Variants in NLRP5 observed in about 807,000 individuals in gnomAD.
NLRP5 encodes NLR family pyrin domain containing 5, also known as NACHT, LRR and PYD domains-containing protein 5.
A neutral mutation model predicts 113.1 loss-of-function variants in NLRP5; 93 were observed. The observed-to-expected ratio is 0.82, with a 90% CI of 0.70 to 0.98. The LOEUF is 0.98. Ranked by LOEUF, NLRP5 falls within the 50% of genes least tolerant of loss-of-function variation. The probability of loss-of-function intolerance (pLI) is 0.00; values close to 1 mark genes in which losing one functional copy is unlikely to be tolerated. For synonymous variants in NLRP5, 751 were observed against 600.7 expected (o/e 1.25, Z -3.66); for missense variants, 1,808 against 1,514.3 (o/e 1.19, Z -3.22).
rs892137743 is a variant in NLRP5 at position 56,019,377 on chromosome 19, G to C, written c.601G>C (p.Ala201Pro). The C allele has an allele frequency of 6.2e-7, 1 of 1,613,978 alleles. No homozygotes were observed. Among genetic ancestry groups the C allele is most frequent in the Admixed American group, 1.7e-5 (1 of 59,994 alleles). The change falls in exon 5 of 15, where the codon GCA becomes CCA. Residue 201 changes from alanine (A) to proline (P), a missense_variant. Transcript: ENST00000390649. ...AGCTATGGAACAAGAAGGTGCCACA[G>C]CAGCAGAGACAGAAGAACAAGGTGA...
intron 13 of NLRP5, among the ~76,000 whole-genome samples, chr19:56,054,146 A>C (rs1343142589): frequency 6.6e-6 from 1 of 152,174 alleles, no homozygotes; most frequent in Non-Finnish European, 1.5e-5. Context: ...CTAGAGACAA[A>C]GACGGGCAGA....
chr19:56,000,407 C>T (rs542896755), intron 1 of NLRP5, among the ~76,000 whole-genome samples: 64 of 152,148 alleles, frequency 4.2e-4, no homozygotes, highest in African/African-American at 1.5e-3. Context: ...TTCTGTCACC[C>T]AGGCTGGAGT....
intron 10 of NLRP5, 49 bp downstream of exon 10, chr19:56,038,244 T>C (rs1360910090): frequency 6.5e-7 from 1 of 1,543,272 alleles, no homozygotes; most frequent in Non-Finnish European, 8.9e-7. Context: ...TCCACCAGGA[T>C]TATCGTAACT....
At chr19:56,036,230 AT>A (rs1042709905) in intron 9 of NLRP5, among the ~76,000 whole-genome samples, 6 of 150,798 alleles carry the variant, frequency 4.0e-5, no homozygotes, top group African/African-American at 1.2e-4. Flanking sequence ...CGCCCGGCTA[AT>A]TTTTTTGTAT....
At chr19:56,038,978 C>G (rs1347112453) in intron 10 of NLRP5, among the ~76,000 whole-genome samples, 2 of 152,122 alleles carry the variant, frequency 1.3e-5, no homozygotes, top group African/African-American at 4.8e-5. Context: ...GCCTGGCCCA[C>G]TTGCTTACTG....
At position 56,015,736 on chromosome 19, in the gene NLRP5, T is replaced by G; in HGVS notation, c.509-6T>G. 6.4e-7 allele frequency: 1 copy of G among 1,563,516 alleles called. No homozygotes were observed. Among genetic ancestry groups the G allele is most frequent in the Non-Finnish European group, 8.7e-7 (1 of 1,152,252 alleles). On this transcript the variant is annotated splice_polypyrimidine_tract_variant and splice_region_variant and intron_variant, in intron 3 of 14. Coordinates refer to ENST00000390649, the MANE Select transcript of NLRP5 (RefSeq NM_153447.4). Reference sequence around the variant, plus strand: ...TGTGTTTATTCTTCTCCCTTCTCTTTTGCAGGAATTTCACAAGCTGTGCAA... The same window carrying G: ...TGTGTTTATTCTTCTCCCTTCTCTTGTGCAGGAATTTCACAAGCTGTGCAA...
chr19:56,023,454 C>T (rs1354958268), intron 6 of NLRP5, among the ~76,000 whole-genome samples: 1 of 152,296 alleles, frequency 6.6e-6, no homozygotes, highest in South Asian at 2.1e-4. Flanking sequence ...AACTAACCAT[C>T]GATCAAAAAT....
At position 56,027,682 on chromosome 19, in the gene NLRP5, G is replaced by A; in HGVS notation, c.1449G>A (p.Leu483=). The change falls in exon 7 of 15, where the codon CTG becomes CTA. Residue 483 remains leucine (L), a synonymous_variant. Coordinates refer to ENST00000390649, the MANE Select transcript of NLRP5 (RefSeq NM_153447.4). ...CTCTCATCTGCGTGGCCCTGCAGCT[G>A]CAGGACGTGGTGGGGGAGAGCGTCG... The A allele has an allele frequency of 1.2e-6, 2 of 1,613,448 alleles. No individual in the cohort carries two copies. Among genetic ancestry groups the A allele is most frequent in the Non-Finnish European group, 1.7e-6 (2 of 1,179,894 alleles).
Position 56,050,415 on chromosome 19 carries a change from C to A in NLRP5, c.2958-3C>A, listed in dbSNP as rs764223651. The stretch of plus-strand genomic sequence containing the variant: ...TCTTCTTTCCCATGTGTGTGCCCCA[C>A]AGGCTGAATCAGTGCCACCTGGACA... On this transcript the variant is annotated splice_polypyrimidine_tract_variant and splice_region_variant and intron_variant, in intron 11 of 14. Coordinates refer to ENST00000390649, the MANE Select transcript of NLRP5 (RefSeq NM_153447.4). 1 of 1,612,874 alleles carries A rather than the reference C, an allele frequency of 6.2e-7. No homozygotes were observed.
chr19:56,012,292 G>A (rs893875375), intron 3 of NLRP5, among the ~76,000 whole-genome samples: 9 of 152,008 alleles, frequency 5.9e-5, no homozygotes, highest in African/African-American at 1.9e-4. Context: ...GGGACTATAG[G>A]CACCTGCCAC....
upstream of NLRP5, among the ~76,000 whole-genome samples, chr19:55,998,187 TC>T (rs1280953077): frequency 6.6e-6 from 1 of 152,056 alleles, no homozygotes; most frequent in Non-Finnish European, 1.5e-5. Flanking sequence ...TTTCAGACAT[TC>T]TAAAATTATA....
intron 13 of NLRP5, among the ~76,000 whole-genome samples, chr19:56,055,926 C>G (rs1436028250): frequency 6.6e-6 from 1 of 152,148 alleles, no homozygotes; most frequent in Non-Finnish European, 1.5e-5. Context: ...CCAAGCTTCA[C>G]TGAACCGCAC....
intron 2 of NLRP5, among the ~76,000 whole-genome samples, chr19:56,005,189 ATTTT>A (rs1309797672): frequency 5.6e-5 from 8 of 143,526 alleles, no homozygotes; most frequent in African/African-American, 2.1e-4. Context: ...ATACACACAT[ATTTT>A]TATATACACA....
In NLRP5 at chr19:56,010,742, C is replaced by CCAAAAAAAAAAAAA. The variant is rs1555764914; in HGVS notation, c.508+1889_508+1890insCAAAAAAAAAAAAA. ...GGGAAACAAGAGCTTAACTCTGTCT[C>CCAAAAAAAAAAAAA]AAAAAAAAAAAAAGTCCCTTGAAAC... On this transcript the variant is annotated intron_variant, in intron 3 of 14. Coordinates refer to ENST00000390649, the MANE Select transcript of NLRP5 (RefSeq NM_153447.4). Among the ~76,000 whole-genome samples, 46 of 41,274 alleles carry CCAAAAAAAAAAAAA rather than the reference C, an allele frequency of 1.1e-3. 1 individual carries two copies. The highest frequency in any genetic ancestry group is 4.6e-3 in the African/African-American group (44 of 9,606). The allele number at this position is 41,274 out of a possible 152,430, so 27.1% of individuals were successfully genotyped here. A position where few individuals can be genotyped will look rare whatever the true frequency, so the allele number is the denominator to read the frequency against.
chr19:55,994,620 T>C, the NLRP5 span, among the ~76,000 whole-genome samples: 6 of 152,162 alleles, frequency 3.9e-5, no homozygotes, highest in African/African-American at 1.4e-4. Context: ...ATGGTCTCGA[T>C]CTCCTGACCT....
intron 13 of NLRP5, among the ~76,000 whole-genome samples, chr19:56,057,888 A>G (rs946289974): frequency 2.0e-5 from 3 of 152,016 alleles, no homozygotes; most frequent in African/African-American, 7.2e-5. Flanking sequence ...TTAGCCAGGC[A>G]TGGTGGCACG....
chr19:56,042,241 T>TTAC (rs1463728088), intron 11 of NLRP5, among the ~76,000 whole-genome samples: 19 of 152,264 alleles, frequency 1.2e-4, no homozygotes, highest in Admixed American at 1.1e-3. Flanking sequence ...ATTGTGTTGA[T>TTAC]TACTACTGCA....
intron 6 of NLRP5, among the ~76,000 whole-genome samples, chr19:56,024,570 C>A (rs1982763001): frequency 7.4e-6 from 1 of 135,444 alleles, no homozygotes; most frequent in African/African-American, 2.7e-5. Flanking sequence ...TGTATATATA[C>A]ACATATATAT....
At chr19:56,059,695 C>T (rs142920791) in intron 14 of NLRP5, among the ~76,000 whole-genome samples, 205 of 152,192 alleles carry the variant, frequency 1.3e-3, no homozygotes, top group African/African-American at 4.8e-3. Context: ...CCACCACGCC[C>T]AGCTAATTTT....
Sources: allele counts gnomAD v4.1 joint callset (sites outside exome capture counted in the v4.1 genomes callset), GRCh38; gene constraint gnomAD v4.1.1; transcripts MANE v1.5; gene names NCBI Gene and HGNC (gene_info 2026-07-23, HGNC 2026-07-21).